Variants in OTOG observed in about 807,000 individuals in gnomAD.
OTOG encodes the protein otogelin.
OTOG carries 296 observed loss-of-function variants against 313.8 expected under a neutral mutation model. The ratio of observed to expected loss-of-function variants is 0.94; its 90% CI spans 0.86 to 1.04. The LOEUF (loss-of-function observed/expected upper bound fraction) is 1.04, where lower values mean the gene tolerates loss of function less well. Ranked by LOEUF, OTOG falls within the 50% of genes least tolerant of loss-of-function variation. OTOG has a pLI of 0.00. For synonymous variants in OTOG, 1,533 were observed against 1,554.9 expected, an observed-to-expected ratio of 0.99 and a Z score of 0.33; for missense variants, 3,948 against 3,840.1, an observed-to-expected ratio of 1.03 and a Z score of -0.74.
At position 17,576,905 on chromosome 11, in the gene OTOG, G is replaced by A; in HGVS notation, c.2599G>A (p.Ala867Thr). ...KDGVMSCDSR[A>T]PAAACPAGQV... Reference sequence around the variant, plus strand: ...TGGAGTCATGAGCTGTGATAGCAGAGCCCCAGGTAAGGGTGGGTGGAGGGG... The same window carrying A: ...TGGAGTCATGAGCTGTGATAGCAGAACCCCAGGTAAGGGTGGGTGGAGGGG... The change falls in exon 22 of 56, where the codon GCC becomes ACC. Residue 867 changes from alanine to threonine, a missense_variant. Physicochemically the swap from Ala to Thr is moderately conservative, Grantham distance 58 (BLOSUM62 0). Coordinates refer to ENST00000399397, the MANE Select transcript of OTOG (RefSeq NM_001292063.2). The A allele has an allele frequency of 1.3e-6, 2 of 1,550,486 alleles. No homozygotes were observed. Among genetic ancestry groups the A allele is most frequent in the Non-Finnish European group, 1.7e-6 (2 of 1,146,962 alleles).
chr11:17,609,087 C>T, intron 34 of OTOG, 43 bp from the exon 35 acceptor site: 1 of 1,456,336 alleles, frequency 6.9e-7, no homozygotes, highest in South Asian at 1.2e-5. Flanking sequence ...GATGGCCCTG[C>T]CTGTATTTCA....
chr11:17,596,816 C>A, intron 29 of OTOG, 35 bp from the exon 30 acceptor site: 1 of 1,530,650 alleles, frequency 6.5e-7, no homozygotes, highest in Non-Finnish European at 8.8e-7. Flanking sequence ...CATTTGGGAT[C>A]TGTCCTCTGA....
intron 20 of OTOG, among the ~76,000 whole-genome samples, 189 bp downstream of exon 20, chr11:17,575,101 C>T (rs990800675): frequency 6.6e-6 from 1 of 152,242 alleles, no homozygotes; most frequent in Non-Finnish European, 1.5e-5. Context: ...CTCTCCTCAG[C>T]CTTGGCCTTT....
At chr11:17,570,065 C>T (rs990941563) in intron 16 of OTOG, 148 bp from the exon 17 acceptor site, 4 of 703,382 alleles carry the variant, frequency 5.7e-6, no homozygotes, top group Non-Finnish European at 9.5e-6. Flanking sequence ...CCCATACCAG[C>T]TTCATGGCAG....
In OTOG at chr11:17,559,144, C is replaced by T. The variant is rs764216667; in HGVS notation, c.1196C>T (p.Thr399Ile). 17 of 1,539,212 alleles carry T rather than the reference C, an allele frequency of 1.1e-5. No homozygotes were observed. The East Asian group carries it at 2.9e-4, about 27-fold the overall frequency. ...QAGRPLQGWRTQLRQCTVHCK... is the reference protein window; with the variant it reads ...QAGRPLQGWRIQLRQCTVHCK... ...GGGCGGCCCTTGCAAGGCTGGAGGACCCAGCTCCGGCAATGCAGTAGGTGC... is the reference window on the plus strand; with the variant it reads ...GGGCGGCCCTTGCAAGGCTGGAGGATCCAGCTCCGGCAATGCAGTAGGTGC... Residue 399 changes from threonine to isoleucine, a missense_variant, in exon 11 of 56, where the codon ACC (threonine) becomes ATC (isoleucine). By Grantham distance (89) the Thr-to-Ile change is moderately conservative. Coordinates refer to ENST00000399397, the MANE Select transcript of OTOG (RefSeq NM_001292063.2).
At chr11:17,574,299 G>T (rs1309612577) in intron 19 of OTOG, among the ~76,000 whole-genome samples, 1 of 144,920 alleles carries the variant, frequency 6.9e-6, no homozygotes, top group Non-Finnish European at 1.5e-5. Flanking sequence ...CACAGCCAGG[G>T]GAGTGAGGGG....
intron 40 of OTOG, among the ~76,000 whole-genome samples, chr11:17,631,465 T>C (rs1854124817): frequency 6.6e-6 from 1 of 151,476 alleles, no homozygotes; most frequent in Non-Finnish European, 1.5e-5. Context: ...CATTAGAAAA[T>C]AACTTCAAGA....
chr11:17,592,544 T>A (rs1852973203), intron 25 of OTOG, among the ~76,000 whole-genome samples: 1 of 151,782 alleles, frequency 6.6e-6, no homozygotes, highest in Non-Finnish European at 1.5e-5. Context: ...CTGTGAGACA[T>A]GGACACACAC....
Position 17,634,648 on chromosome 11 carries a change from T to C in OTOG, c.7481-196T>C, listed in dbSNP as rs752040443. ...GGGGTGCGTGTCAATGGATGTTAGC[T>C]CTTGCTGATCTTCTGTCCCAGCCCT... is the stretch of plus-strand genomic sequence containing the variant. On this transcript the variant is annotated intron_variant, in intron 44 of 55. Transcript: ENST00000399397. Among the ~76,000 whole-genome samples, 4 of 152,078 alleles carry C rather than the reference T, an allele frequency of 2.6e-5. 1 individual carries two copies. The highest frequency in any genetic ancestry group is 2.9e-5 in the Non-Finnish European group (2 of 67,992).
chr11:17,572,108 C>A lies in OTOG; in HGVS notation c.1984C>A (p.Pro662Thr). 1.3e-6 allele frequency: 2 copies of A among 1,550,430 alleles called. No individual in the cohort carries two copies. The highest frequency in any genetic ancestry group is 1.7e-6 in the Non-Finnish European group (2 of 1,146,952). Reference protein sequence around the residue: ...LSPVGVPESTPQLFGNSWKTL... With the variant: ...LSPVGVPESTTQLFGNSWKTL... ...TCCAGTGGGTGTACCTGAGAGCACC[C>A]CACAACTTTTTGGCAATTCCTGGAA... The change falls in exon 18 of 56, where the codon CCA becomes ACA. Residue 662 changes from proline (P) to threonine (T), a missense_variant. Pro to Thr is a conservative substitution (Grantham distance 38). Coordinates refer to ENST00000399397, the MANE Select transcript of OTOG (RefSeq NM_001292063.2).
At chr11:17,571,652 T>C (rs1852406215) in intron 17 of OTOG, among the ~76,000 whole-genome samples, 1 of 152,084 alleles carries the variant, frequency 6.6e-6, no homozygotes, top group Non-Finnish European at 1.5e-5. Flanking sequence ...TTTTCTGACC[T>C]GAAGAGCTGG....
chr11:17,603,318 A>G (rs373814305), intron 32 of OTOG, among the ~76,000 whole-genome samples: 50 of 152,314 alleles, frequency 3.3e-4, no homozygotes, highest in African/African-American at 1.1e-3. Context: ...CCCCAGATCC[A>G]TGCATTCCTG....
chr11:17,588,601 A>G (rs1010412669), intron 24 of OTOG, among the ~76,000 whole-genome samples: 4 of 152,152 alleles, frequency 2.6e-5, no homozygotes, highest in Admixed American at 6.5e-5. Context: ...GCTGTCAGAC[A>G]CAGAGCCCTG....
intron 32 of OTOG, among the ~76,000 whole-genome samples, chr11:17,603,072 G>A (rs1853294093): frequency 6.6e-6 from 1 of 152,190 alleles, no homozygotes; most frequent in Admixed American, 6.5e-5. Context: ...GGGAGCCATG[G>A]AAGGGCTTTG....
chr11:17,616,408 G>T (rs762182027), intron 39 of OTOG, among the ~76,000 whole-genome samples: 2 of 152,240 alleles, frequency 1.3e-5, no homozygotes, highest in Admixed American at 6.5e-5. Flanking sequence ...TCAGCTTTTT[G>T]ATTTCTACCA....
chr11:17,617,717 A>G (rs1853757807), intron 39 of OTOG, among the ~76,000 whole-genome samples: 1 of 152,104 alleles, frequency 6.6e-6, no homozygotes, highest in Admixed American at 6.5e-5. Context: ...GCCTGGCTAG[A>G]GGCTTATCAA....
In OTOG at chr11:17,641,891, C is replaced by T. The variant is rs1228275342; in HGVS notation, c.8235C>T (p.Gly2745=). The stretch of plus-strand genomic sequence containing the variant: ...CGCGGGACCTCGCTGCCTGCTGCGG[C>T]TCCTGCAGGAACGTGTCCTGTCTCT... ...EHPRDLAACC[G]SCRNVSCLFT... Residue 2745 remains glycine, a synonymous_variant, in exon 52 of 56, where the codon GGC becomes GGT. Transcript: ENST00000399397. 1.3e-6 allele frequency: 2 copies of T among 1,550,212 alleles called. No individual in the cohort carries two copies. Among genetic ancestry groups the T allele is most frequent in the Non-Finnish European group, 1.7e-6 (2 of 1,146,854 alleles).
chr11:17,619,640 C>T (rs1417897257), intron 39 of OTOG, among the ~76,000 whole-genome samples: 2 of 152,026 alleles, frequency 1.3e-5, no homozygotes, highest in Non-Finnish European at 1.5e-5. Flanking sequence ...TATATTGCAT[C>T]ATATATACCA....
At chr11:17,553,062 C>A in intron 4 of OTOG, 57 bp from the exon 5 acceptor site, 1 of 1,510,296 alleles carries the variant, frequency 6.6e-7, no homozygotes, top group South Asian at 1.2e-5. Context: ...AGGGCTGCCT[C>A]CCTGGGTTCT....
Sources: allele counts gnomAD v4.1 joint callset (sites outside exome capture counted in the v4.1 genomes callset), GRCh38; gene constraint gnomAD v4.1.1; transcripts MANE v1.5; gene names NCBI Gene and HGNC (gene_info 2026-07-23, HGNC 2026-07-21).